AFF3: variants seen among roughly 807,000 people sequenced by gnomAD.
The protein encoded by AFF3 is ALF transcription elongation factor 3.
Under a neutral mutation model 129.7 loss-of-function variants are expected in AFF3, and 32 were observed. The observed-to-expected ratio is 0.25, with a 90% CI of 0.19 to 0.33. The LOEUF (loss-of-function observed/expected upper bound fraction) is 0.33. Among genes scored for constraint, AFF3 ranks in the 10% least tolerant of loss-of-function variants. The probability of loss-of-function intolerance (pLI) is 1.00; values close to 1 mark genes in which losing one functional copy is unlikely to be tolerated. For synonymous variants in AFF3, 644 were observed against 635.4 expected (o/e 1.01, Z -0.20); for missense variants, 1,373 against 1,592.0 (o/e 0.86, Z 2.34).
At chr2:99,777,999 A>G (rs768725245) in intron 8 of AFF3, among the ~76,000 whole-genome samples, 8 of 150,690 alleles carry the variant, frequency 5.3e-5, no homozygotes, top group Non-Finnish European at 1.2e-4. Context: ...TTCCAGCACT[A>G]TCAGTTCAAA....
At chr2:99,975,156 A>G (rs931846818) in intron 7 of AFF3, among the ~76,000 whole-genome samples, 2 of 152,222 alleles carry the variant, frequency 1.3e-5, no homozygotes, top group African/African-American at 4.8e-5. Flanking sequence ...GTGTTTCACC[A>G]AAGCTCACTG....
intron 15 of AFF3, among the ~76,000 whole-genome samples, chr2:99,592,251 C>T (rs939761711): frequency 1.3e-5 from 2 of 152,212 alleles, no homozygotes; most frequent in South Asian, 2.1e-4. Context: ...CTGCCCTTCT[C>T]ACTCCCTGGA....
intron 8 of AFF3, among the ~76,000 whole-genome samples, chr2:99,815,597 T>A (rs1687161993): frequency 6.6e-6 from 1 of 152,192 alleles, no homozygotes; most frequent in African/African-American, 2.4e-5. Flanking sequence ...CAACATTACT[T>A]GTAGAGTATG....
intron 7 of AFF3, among the ~76,000 whole-genome samples, chr2:99,988,812 G>C (rs1680095775): frequency 6.6e-6 from 1 of 152,134 alleles, no homozygotes; most frequent in African/African-American, 2.4e-5. Context: ...GGAGCTATTG[G>C]AGCATGAATG....
At position 99,782,283 on chromosome 2, in the gene AFF3, T is replaced by G. The variant is rs112237818; in HGVS notation, c.922-29982A>C. 1.3e-3 allele frequency among the ~76,000 whole-genome samples: 205 copies of G among 152,344 alleles called. 1 individual carries two copies. Among genetic ancestry groups the G allele is most frequent in the African/African-American group, 4.7e-3 (197 of 41,576 alleles). ...TGGCCCAAACATCTGTAAATGCTAG[T>G]GAACATTATCAGATAAAGAAGCAGG... is the stretch of plus-strand genomic sequence containing the variant. On this transcript the variant is annotated intron_variant, in intron 8 of 24. Transcript: ENST00000672756.
At chr2:100,020,429 C>A (rs1683493022) in intron 4 of AFF3, among the ~76,000 whole-genome samples, 1 of 152,016 alleles carries the variant, frequency 6.6e-6, no homozygotes, top group East Asian at 1.9e-4. Context: ...TGTTGTACAA[C>A]TCTCCAAGAC....
chr2:99,583,120 A>G, intron 16 of AFF3, 121 bp from the exon 17 acceptor site: 1 of 781,684 alleles, frequency 1.3e-6, no homozygotes, highest in Non-Finnish European at 2.1e-6. Context: ...ATTGGGAATT[A>G]TTATACCAGG....
At chr2:99,935,725 T>G (rs1674466752) in intron 7 of AFF3, among the ~76,000 whole-genome samples, 1 of 152,220 alleles carries the variant, frequency 6.6e-6, no homozygotes, top group South Asian at 2.1e-4. Flanking sequence ...CTGAATACTC[T>G]AGTGCCACTT....
At chr2:99,796,994 T>C (rs560020788) in intron 8 of AFF3, among the ~76,000 whole-genome samples, 13 of 152,006 alleles carry the variant, frequency 8.6e-5, no homozygotes, top group Non-Finnish European at 1.5e-4. Context: ...CCAAGTAACT[T>C]AACTACATCC....
intron 7 of AFF3, among the ~76,000 whole-genome samples, chr2:99,921,181 T>C (rs1399821619): frequency 6.6e-6 from 1 of 152,170 alleles, no homozygotes; most frequent in African/African-American, 2.4e-5. Flanking sequence ...AAAATTGTTA[T>C]CAGAAACAAT....
chr2:99,796,789 C>A (rs1321864860), intron 8 of AFF3, among the ~76,000 whole-genome samples: 1 of 152,138 alleles, frequency 6.6e-6, no homozygotes, highest in Non-Finnish European at 1.5e-5. Flanking sequence ...GAAAAAAATA[C>A]CAGGTGCTTA....
chr2:99,996,527 A>ATTTTTTTTTTTTTTTTTTTTTT (rs756231548), intron 7 of AFF3, among the ~76,000 whole-genome samples: 1 of 114,086 alleles, frequency 8.8e-6, no homozygotes, highest in African/African-American at 3.9e-5. Context: ...CGCCCGGCTA[A>ATTTTTTTTTTTTTTTTTTTTTT]TTTTTTTTTT....
intron 13 of AFF3, among the ~76,000 whole-genome samples, chr2:99,648,917 A>ACACTCTCTCTCTCTCT: frequency 1.1e-4 from 5 of 46,874 alleles, no homozygotes; most frequent in Admixed American, 2.6e-4. Context: ...ACACACACAC[A>ACACTCTCTCTCTCTCT]CTCTCTCTCT....
At chr2:99,566,392 A>T (rs919719262) in intron 19 of AFF3, among the ~76,000 whole-genome samples, 1 of 152,172 alleles carries the variant, frequency 6.6e-6, no homozygotes, top group African/African-American at 2.4e-5. Flanking sequence ...ATTAATAAAA[A>T]TGATTTTTGG....
intron 8 of AFF3, among the ~76,000 whole-genome samples, chr2:99,764,664 C>T (rs141761647): frequency 1.3e-5 from 2 of 152,232 alleles, no homozygotes; most frequent in African/African-American, 4.8e-5. Context: ...TAGAACTGAG[C>T]ATTGCATTAA....
intron 7 of AFF3, among the ~76,000 whole-genome samples, chr2:99,837,745 C>T (rs1457597960): frequency 1.3e-5 from 2 of 152,042 alleles, no homozygotes; most frequent in African/African-American, 4.8e-5. Context: ...CACACACGCA[C>T]CCCAGAGGCT....
At chr2:99,655,232 AC>A (rs1685643984) in intron 12 of AFF3, among the ~76,000 whole-genome samples, 3 of 150,214 alleles carry the variant, frequency 2.0e-5, no homozygotes, top group African/African-American at 7.4e-5. Context: ...ACACACACAC[AC>A]ACACACACAC....
At chr2:99,886,451 C>T (rs755387968) in intron 7 of AFF3, among the ~76,000 whole-genome samples, 9 of 151,800 alleles carry the variant, frequency 5.9e-5, no homozygotes, top group Non-Finnish European at 1.2e-4. Flanking sequence ...AGGAGGTACG[C>T]GCAAGGTCAG....
intron 7 of AFF3, among the ~76,000 whole-genome samples, chr2:99,892,731 A>T (rs1313098496): frequency 3.3e-5 from 5 of 152,220 alleles, no homozygotes; most frequent in Admixed American, 3.3e-4. Flanking sequence ...AGAATGGCTC[A>T]GGGGCTCTGC....
Sources: allele counts gnomAD v4.1 joint callset (sites outside exome capture counted in the v4.1 genomes callset), GRCh38; gene constraint gnomAD v4.1.1; transcripts MANE v1.5; gene names NCBI Gene and HGNC (gene_info 2026-07-23, HGNC 2026-07-21).